Variants in ZDHHC14 observed in about 807,000 individuals in gnomAD.
The protein encoded by ZDHHC14 is palmitoyltransferase ZDHHC14.
Under a neutral mutation model 47.7 loss-of-function variants are expected in ZDHHC14, and 16 were observed. The ratio of observed to expected loss-of-function variants is 0.34; its 90% CI spans 0.23 to 0.51. The LOEUF (loss-of-function observed/expected upper bound fraction) is 0.51. Among genes scored for constraint, ZDHHC14 ranks in the 20% least tolerant of loss-of-function variants. ZDHHC14 has a pLI of 0.97. For synonymous variants in ZDHHC14, 293 were observed against 278.9 expected, an observed-to-expected ratio of 1.05 and a Z score of -0.50; for missense variants, 515 against 662.5, an observed-to-expected ratio of 0.78 and a Z score of 2.44.
rs1425978075 is a variant in ZDHHC14 at position 157,536,824 on chromosome 6, T to TAATGACCAA, written c.246-5761_246-5760insAATGACCAA. On this transcript the variant is annotated intron_variant, in intron 1 of 8. Transcript: ENST00000359775. ...CTATCTATCCCTCCATCTATCTTTTTTTTTTTTTTTTTGAGACAGAGTCTC... is the reference window on the plus strand; with the variant it reads ...CTATCTATCCCTCCATCTATCTTTTTAATGACCAATTTTTTTTTTTTGAGACAGAGTCTC... Among the ~76,000 whole-genome samples, 7 of 89,612 alleles carry TAATGACCAA rather than the reference T, an allele frequency of 7.8e-5. No homozygotes were observed. In the South Asian group the frequency reaches 9.6e-4, roughly 12 times the overall value. 58.8% of individuals were successfully genotyped at this position (89,612 alleles called of 152,430 possible). A position where few individuals can be genotyped will look rare whatever the true frequency, so the allele number is the denominator to read the frequency against.
intron 1 of ZDHHC14, among the ~76,000 whole-genome samples, chr6:157,485,769 G>C (rs901596620): frequency 6.6e-6 from 1 of 151,062 alleles, no homozygotes; most frequent in South Asian, 2.1e-4. Flanking sequence ...CCAGCACTTC[G>C]GGAGGCCAAG....
intron 1 of ZDHHC14, among the ~76,000 whole-genome samples, chr6:157,434,312 A>G (rs961129680): frequency 9.9e-5 from 15 of 151,630 alleles, no homozygotes; most frequent in African/African-American, 3.6e-4. Context: ...GCCAGTGCAA[A>G]TTTAAGGCTT....
chr6:157,502,583 G>A lies in ZDHHC14; in HGVS notation c.246-40002G>A, dbSNP rs1440910875. Among the ~76,000 whole-genome samples the A allele has an allele frequency of 2.6e-5, 4 of 152,220 alleles. No individual in the cohort carries two copies. The highest frequency in any genetic ancestry group is 9.6e-5 in the African/African-American group (4 of 41,462). On this transcript the variant is annotated intron_variant, in intron 1 of 8. Coordinates refer to ENST00000359775, the MANE Select transcript of ZDHHC14 (RefSeq NM_024630.3). This position sits in a 1 kb window ranked among gnomAD's most constrained non-coding sequence, Gnocchi z 4.0. ...TGCCTGGAGATGATGAGGGATCTCA[G>A]GCTTATCTATACATGTCCACCTGTT...
In ZDHHC14 at chr6:157,533,793, G is replaced by A. The variant is rs531026566; in HGVS notation, c.246-8792G>A. On this transcript the variant is annotated intron_variant, in intron 1 of 8. Coordinates refer to ENST00000359775, the MANE Select transcript of ZDHHC14 (RefSeq NM_024630.3). ...CTGCAACGTGGAAAGCCCTCAAGCA[G>A]ACACCTCTGCCTCAGGCTCTAAATG... is the stretch of plus-strand genomic sequence containing the variant. Among the ~76,000 whole-genome samples the A allele has an allele frequency of 7.9e-5, 12 of 152,378 alleles. 1 individual carries two copies. The South Asian group carries it at 2.5e-3, about 32-fold the overall frequency.
At chr6:157,515,457 C>CTTTTTTTTTTTTTTTTTTTTTT (rs1187323622) in intron 1 of ZDHHC14, among the ~76,000 whole-genome samples, 3 of 129,450 alleles carry the variant, frequency 2.3e-5, no homozygotes, top group Non-Finnish European at 3.3e-5. Flanking sequence ...TTTTCTTTTT[C>CTTTTTTTTTTTTTTTTTTTTTT]TTTTTTTTTT....
At chr6:157,668,228 C>G (rs995539654) in intron 8 of ZDHHC14, among the ~76,000 whole-genome samples, 2 of 152,174 alleles carry the variant, frequency 1.3e-5, no homozygotes, top group Non-Finnish European at 1.5e-5. Flanking sequence ...AGCAGTCCCT[C>G]TATCAGGGGA....
chr6:157,638,037 C>T lies in ZDHHC14; in HGVS notation c.752+5155C>T, dbSNP rs192296571. ...AGCTTCTACTGTAAGTAAGCCCGGA[C>T]TGGGTGGTATCTAGTGCCAGAGTGT... On this transcript the variant is annotated intron_variant, in intron 5 of 8. Transcript: ENST00000359775. 4.0e-4 allele frequency among the ~76,000 whole-genome samples: 61 copies of T among 152,198 alleles called. 1 individual carries two copies. The highest frequency in any genetic ancestry group is 1.3e-3 in the African/African-American group (52 of 41,524).
chr6:157,599,538 C>A (rs1423335622), intron 3 of ZDHHC14, among the ~76,000 whole-genome samples: 1 of 152,172 alleles, frequency 6.6e-6, no homozygotes, highest in Non-Finnish European at 1.5e-5. Context: ...GAGGATGGGG[C>A]CCTGCCTCCC....
chr6:157,589,772 C>T (rs530256621), intron 2 of ZDHHC14, among the ~76,000 whole-genome samples: 17 of 152,230 alleles, frequency 1.1e-4, no homozygotes, highest in East Asian at 7.7e-4. Flanking sequence ...GGTAGTGGGG[C>T]ACTGCTATAA....
At chr6:157,441,647 TG>T (rs750365981) in intron 1 of ZDHHC14, among the ~76,000 whole-genome samples, 34 of 152,132 alleles carry the variant, frequency 2.2e-4, no homozygotes, top group Non-Finnish European at 4.3e-4. Flanking sequence ...GAGACCAGCT[TG>T]GCCAACATAG....
At chr6:157,553,370 G>T (rs1782325276) in intron 2 of ZDHHC14, among the ~76,000 whole-genome samples, 1 of 152,098 alleles carries the variant, frequency 6.6e-6, no homozygotes, top group African/African-American at 2.4e-5. Flanking sequence ...GCTGGGAAGA[G>T]CACTCAGAGA....
chr6:157,575,064 A>T (rs899569717), intron 2 of ZDHHC14, among the ~76,000 whole-genome samples: 1 of 152,154 alleles, frequency 6.6e-6, no homozygotes, highest in Non-Finnish European at 1.5e-5. Flanking sequence ...GCAGGCTGGA[A>T]AGTCAGGTGA....
At chr6:157,413,880 C>T (rs1180783568) in intron 1 of ZDHHC14, among the ~76,000 whole-genome samples, 4 of 151,666 alleles carry the variant, frequency 2.6e-5, no homozygotes, top group Admixed American at 6.6e-5. Context: ...CTGGAAAGGC[C>T]GGGACGACAC....
At chr6:157,454,249 A>G (rs1305098409) in intron 1 of ZDHHC14, among the ~76,000 whole-genome samples, 7 of 152,206 alleles carry the variant, frequency 4.6e-5, no homozygotes, top group Admixed American at 2.0e-4. Context: ...ATCAAAAGAC[A>G]TGCATCAGCC....
chr6:157,665,097 T>A (rs906184924), intron 8 of ZDHHC14, among the ~76,000 whole-genome samples: 22 of 152,212 alleles, frequency 1.4e-4, no homozygotes, highest in African/African-American at 5.1e-4. Flanking sequence ...GAGTTTCCCT[T>A]CCCTCAGGGA....
At chr6:157,655,520 G>T (rs1778045541) in intron 8 of ZDHHC14, among the ~76,000 whole-genome samples, 1 of 152,144 alleles carries the variant, frequency 6.6e-6, no homozygotes, top group Admixed American at 6.5e-5. Context: ...GAAGTGCCCT[G>T]TAAGGACAGA....
intron 8 of ZDHHC14, among the ~76,000 whole-genome samples, chr6:157,654,103 G>A (rs16900301): frequency 0.027 from 4,107 of 152,228 alleles, 124 homozygotes; most frequent in African/African-American, 0.071. Flanking sequence ...GTAAAATAGC[G>A]CAAATGATCA....
At chr6:157,636,551 A>G (rs572696814) in intron 5 of ZDHHC14, among the ~76,000 whole-genome samples, 2 of 152,068 alleles carry the variant, frequency 1.3e-5, no homozygotes, top group Non-Finnish European at 2.9e-5. Flanking sequence ...TGGCACCTAC[A>G]TTATGGACCC....
intron 5 of ZDHHC14, among the ~76,000 whole-genome samples, chr6:157,636,366 C>T (rs542720392): frequency 6.8e-6 from 1 of 147,884 alleles, no homozygotes; most frequent in African/African-American, 2.5e-5. Flanking sequence ...TGTGTGCATG[C>T]ATCTATATCT....
Sources: gnomAD v4.1 joint callset for allele counts (sites outside exome capture counted in the v4.1 genomes callset) on GRCh38, gnomAD v4.1.1 for gene constraint, Gnocchi (gnomAD v3.1) non-coding constraint, MANE v1.5 for transcripts, NCBI Gene and HGNC (gene_info 2026-07-23, HGNC 2026-07-21) for gene names.